ANKS1B: variants seen among roughly 807,000 people sequenced by gnomAD.
The protein encoded by ANKS1B is ankyrin repeat and sterile alpha motif domain containing 1B, also known as ankyrin repeat and sterile alpha motif domain-containing protein 1B.
A neutral mutation model predicts 148.3 loss-of-function variants in ANKS1B; 36 were observed. The observed-to-expected ratio is 0.24, with a 90% CI of 0.19 to 0.32. The LOEUF is 0.32. Ranked by LOEUF, ANKS1B falls within the 10% of genes least tolerant of loss-of-function variation. The probability of loss-of-function intolerance (pLI) is 1.00; values close to 1 mark genes in which losing one functional copy is unlikely to be tolerated. For synonymous variants in ANKS1B, 542 were observed against 560.8 expected (o/e 0.97, Z 0.47); for missense variants, 1,157 against 1,542.6 (o/e 0.75, Z 4.19).
In ANKS1B at chr12:99,984,264, T is replaced by A. The variant is rs763399320; in HGVS notation, c.-27A>T. 3 of 1,594,418 alleles carry A rather than the reference T, an allele frequency of 1.9e-6. No homozygotes were observed. Among genetic ancestry groups the A allele is most frequent in the East Asian group, 4.5e-5 (2 of 44,494 alleles). ...GTCTCTCACCGACTCCCCCACAGAG[T>A]CCTTGCCCCCCTCGGGTCCTCCTCC... is the stretch of plus-strand genomic sequence containing the variant. On this transcript the variant is annotated 5_prime_UTR_variant, in exon 1 of 27. Transcript: ENST00000683438.
chr12:98,804,250 G>T (rs369404182), intron 20 of ANKS1B, among the ~76,000 whole-genome samples: 2 of 151,926 alleles, frequency 1.3e-5, no homozygotes, highest in African/African-American at 4.8e-5. Flanking sequence ...TTCCCTACAG[G>T]GACTGAATCT....
intron 17 of ANKS1B, among the ~76,000 whole-genome samples, chr12:99,020,608 C>T (rs1485784659): frequency 6.6e-6 from 1 of 151,996 alleles, no homozygotes; most frequent in African/African-American, 2.4e-5. Flanking sequence ...TTAAAATGTG[C>T]ATTTGTTAGT....
At position 99,711,384 on chromosome 12, in the gene ANKS1B, C is replaced by A. The variant is rs576846399; in HGVS notation, c.1129-56174G>T. 3.3e-5 allele frequency among the ~76,000 whole-genome samples: 5 copies of A among 151,952 alleles called. No homozygotes were observed. In the East Asian group the frequency reaches 9.7e-4, roughly 29 times the overall value. On this transcript the variant is annotated intron_variant, in intron 8 of 26. Coordinates refer to ENST00000683438, the MANE Select transcript of ANKS1B (RefSeq NM_001352186.2). Reference sequence around the variant, plus strand: ...TTTATTGTACAGATTATTTTGTCACCCAGGTACTAAGTCTAGTACTCATTA... The same window carrying A: ...TTTATTGTACAGATTATTTTGTCACACAGGTACTAAGTCTAGTACTCATTA...
intron 14 of ANKS1B, among the ~76,000 whole-genome samples, chr12:99,213,608 C>A (rs2083682283): frequency 6.6e-6 from 1 of 152,208 alleles, no homozygotes; most frequent in Non-Finnish European, 1.5e-5. Flanking sequence ...GGGAAAGGAG[C>A]TCTTTATACT....
intron 16 of ANKS1B, among the ~76,000 whole-genome samples, chr12:99,055,724 G>GA (rs869071558): frequency 2.4e-5 from 2 of 84,728 alleles, no homozygotes; most frequent in African/African-American, 4.1e-5. Context: ...CTAAACTTGG[G>GA]GGGGGGGGAG....
intron 9 of ANKS1B, among the ~76,000 whole-genome samples, chr12:99,559,724 A>AACCTGT (rs2097313084): frequency 6.6e-6 from 1 of 152,222 alleles, no homozygotes; most frequent in Non-Finnish European, 1.5e-5. Flanking sequence ...CATAGTTAAT[A>AACCTGT]ACAAAAGTCA....
intron 25 of ANKS1B, among the ~76,000 whole-genome samples, chr12:98,755,268 G>A (rs75906529): frequency 0.05 from 7,624 of 152,254 alleles, 272 homozygotes; most frequent in African/African-American, 0.098. Context: ...TCATGTACGA[G>A]GAGACTCTAC....
intron 17 of ANKS1B, among the ~76,000 whole-genome samples, chr12:98,838,109 A>T (rs2099385612): frequency 6.6e-6 from 1 of 152,310 alleles, no homozygotes; most frequent in African/African-American, 2.4e-5. Context: ...AGACATTTTA[A>T]CTAACTCCAT....
chr12:98,919,380 C>T (rs1185293054), intron 17 of ANKS1B, among the ~76,000 whole-genome samples: 1 of 152,182 alleles, frequency 6.6e-6, no homozygotes, highest in African/African-American at 2.4e-5. Context: ...CACACACAGA[C>T]CCATTTAAAT....
At chr12:98,877,661 A>T (rs757662919) in intron 17 of ANKS1B, among the ~76,000 whole-genome samples, 1 of 152,218 alleles carries the variant, frequency 6.6e-6, no homozygotes, top group African/African-American at 2.4e-5. Context: ...TGCTTAAGAG[A>T]TGGAAGAATT....
intron 1 of ANKS1B, among the ~76,000 whole-genome samples, chr12:99,961,440 T>C (rs1368314310): frequency 1.3e-5 from 2 of 152,124 alleles, no homozygotes; most frequent in Non-Finnish European, 1.5e-5. Context: ...CCTCCAGCCA[T>C]GAGGTGGGGC....
intron 8 of ANKS1B, among the ~76,000 whole-genome samples, chr12:99,711,576 G>A (rs2056637952): frequency 6.6e-6 from 1 of 151,954 alleles, no homozygotes; most frequent in African/African-American, 2.4e-5. Context: ...TATACCTGTG[G>A]CCAACAAGCA....
intron 4 of ANKS1B, among the ~76,000 whole-genome samples, chr12:99,802,773 C>T (rs1047702805): frequency 6.6e-6 from 1 of 151,846 alleles, no homozygotes; most frequent in Admixed American, 6.6e-5. Context: ...ATTAGCCGAG[C>T]ACATCAGCAC....
intron 12 of ANKS1B, among the ~76,000 whole-genome samples, chr12:99,260,628 A>G (rs546269890): frequency 6.6e-6 from 1 of 152,366 alleles, no homozygotes; most frequent in East Asian, 1.9e-4. Context: ...TATCCAATGT[A>G]AAACAAAAAT....
intron 10 of ANKS1B, among the ~76,000 whole-genome samples, chr12:99,460,277 A>C (rs541980133): frequency 6.6e-6 from 1 of 152,200 alleles, no homozygotes; most frequent in Non-Finnish European, 1.5e-5. Flanking sequence ...AGATGGATTA[A>C]AGACTTAATT....
At chr12:99,594,797 A>G (rs1184997619) in intron 9 of ANKS1B, among the ~76,000 whole-genome samples, 1 of 152,038 alleles carries the variant, frequency 6.6e-6, no homozygotes, top group Non-Finnish European at 1.5e-5. Context: ...AATCTGCAGT[A>G]CAAATACCAT....
At chr12:99,156,122 A>G (rs1331604250) in intron 14 of ANKS1B, among the ~76,000 whole-genome samples, 1 of 151,998 alleles carries the variant, frequency 6.6e-6, no homozygotes, top group Non-Finnish European at 1.5e-5. Context: ...TTTTAAGGGC[A>G]TTGTCAACTT....
Position 98,800,690 on chromosome 12 carries a change from A to ATATATATATATG in ANKS1B, c.3270+306_3270+307insCATATATATATA. Among the ~76,000 whole-genome samples the ATATATATATATG allele has an allele frequency of 2.0e-3, 279 of 138,000 alleles. 16 individuals are homozygous for ATATATATATATG. The highest frequency in any genetic ancestry group is 6.9e-3 in the African/African-American group (263 of 38,338). The allele number at this position is 138,000 out of a possible 152,430, so 90.5% of individuals were successfully genotyped here. ...AGTGAGCAGAGATATATATATATAT[A>ATATATATATATG]TGCCATATTTACACTCATTTCCATT... is the stretch of plus-strand genomic sequence containing the variant. On this transcript the variant is annotated intron_variant, in intron 21 of 26. Transcript: ENST00000683438.
At chr12:99,119,918 C>G (rs2062330604) in intron 15 of ANKS1B, among the ~76,000 whole-genome samples, 2 of 152,090 alleles carry the variant, frequency 1.3e-5, no homozygotes, top group Non-Finnish European at 2.9e-5. Flanking sequence ...AAAGTAATCA[C>G]CAAACTTCTA....
Sources: allele counts gnomAD v4.1 joint callset (sites outside exome capture counted in the v4.1 genomes callset), GRCh38; gene constraint gnomAD v4.1.1; transcripts MANE v1.5; gene names NCBI Gene and HGNC (gene_info 2026-07-23, HGNC 2026-07-21).